Variants in ABCC11 observed in about 807,000 individuals in gnomAD.
ABCC11 encodes the protein ATP binding cassette subfamily C member 11.
In ABCC11, 135 loss-of-function variants were observed where a neutral mutation model predicts 149.3. That is an observed-to-expected ratio of 0.90 (90% CI 0.79 to 1.04). The LOEUF (loss-of-function observed/expected upper bound fraction) is 1.04. Among genes scored for constraint, ABCC11 ranks in the 50% least tolerant of loss-of-function variants. ABCC11 has a pLI of 0.00. For synonymous variants in ABCC11, 665 were observed against 671.4 expected (o/e 0.99, Z 0.15); for missense variants, 1,680 against 1,722.1 (o/e 0.98, Z 0.43).
chr16:48,239,876 G>A (rs552982741), intron 1 of ABCC11, among the ~76,000 whole-genome samples: 6 of 152,216 alleles, frequency 3.9e-5, no homozygotes, highest in Admixed American at 1.3e-4. Flanking sequence ...GACATGAACA[G>A]ACACTTCTCA....
At chr16:48,184,950 C>T (rs569093576) in intron 22 of ABCC11, among the ~76,000 whole-genome samples, 11 of 152,272 alleles carry the variant, frequency 7.2e-5, no homozygotes, top group Middle Eastern at 3.4e-3. Context: ...AATGCCAGGA[C>T]GTGTGAGTGA....
At chr16:48,165,720 G>A (rs184613355), downstream of ABCC11, 23 of 152,334 alleles carry the variant, frequency 1.5e-4, no homozygotes, top group African/African-American at 5.1e-4. Context: ...TTCCCTGAGG[G>A]CAGGGACACC....
At chr16:48,214,507 G>C (rs189271829) in intron 9 of ABCC11, among the ~76,000 whole-genome samples, 2 of 152,222 alleles carry the variant, frequency 1.3e-5, no homozygotes, top group Non-Finnish European at 2.9e-5. Context: ...GCCAGGTTCC[G>C]ACCACGAAGG....
chr16:48,244,128 A>C (rs1282901985), intron 1 of ABCC11: 5 of 410,052 alleles, frequency 1.2e-5, no homozygotes, highest in Non-Finnish European at 2.1e-5. Flanking sequence ...CATCCTTCCA[A>C]ATATACTCTG....
At chr16:48,209,615 G>C (rs1467695275) in intron 11 of ABCC11, 1 of 155,152 alleles carries the variant, frequency 6.4e-6, no homozygotes, top group Non-Finnish European at 1.4e-5. Flanking sequence ...TTTCTAACAG[G>C]CTGTGGACCA....
At chr16:48,191,858 T>G (rs1966951902) in intron 20 of ABCC11, among the ~76,000 whole-genome samples, 1 of 152,056 alleles carries the variant, frequency 6.6e-6, no homozygotes, top group Non-Finnish European at 1.5e-5. Flanking sequence ...AGGGATAGCA[T>G]TAGGAGATAT....
At chr16:48,169,072 A>T (rs1186474514) in intron 28 of ABCC11, among the ~76,000 whole-genome samples, 3 of 152,184 alleles carry the variant, frequency 2.0e-5, no homozygotes, top group Non-Finnish European at 4.4e-5. Flanking sequence ...AAATATATAT[A>T]TATGCAATTT....
intron 1 of ABCC11, chr16:48,244,380 G>T (rs150981618): frequency 0.012 from 18,881 of 1,531,284 alleles, 138 homozygotes; most frequent in Middle Eastern, 0.017. Context: ...AGTGCGAAAG[G>T]CTGCCAGCAT....
intron 6 of ABCC11, among the ~76,000 whole-genome samples, chr16:48,221,206 T>C (rs963882094): frequency 5.9e-5 from 9 of 152,208 alleles, no homozygotes; most frequent in East Asian, 1.9e-4. Flanking sequence ...AAGGGGCTAA[T>C]AACAGATCAC....
chr16:48,180,738 C>T (rs148883140), intron 23 of ABCC11, among the ~76,000 whole-genome samples: 8 of 152,280 alleles, frequency 5.3e-5, no homozygotes, highest in African/African-American at 1.7e-4. Context: ...GTTTGGTAGA[C>T]AGGAGACAGA....
At chr16:48,188,048 G>T (rs1966841272) in intron 20 of ABCC11, among the ~76,000 whole-genome samples, 1 of 152,206 alleles carries the variant, frequency 6.6e-6, no homozygotes, top group African/African-American at 2.4e-5. Context: ...TGACTTGGAA[G>T]TTGCCACCCT....
chr16:48,165,650 G>C (rs931348146), downstream of ABCC11: 6 of 152,172 alleles, frequency 3.9e-5, no homozygotes, highest in African/African-American at 1.4e-4. Flanking sequence ...GCCCTGTTCT[G>C]GATCGGCCTG....
At chr16:48,169,977 G>GTTA (rs1965599769) in intron 28 of ABCC11, 128 bp downstream of exon 28, 2 of 645,596 alleles carry the variant, frequency 3.1e-6, no homozygotes, top group African/African-American at 3.7e-5. Flanking sequence ...TGTTGTTGTT[G>GTTA]TTGTTGTTAA....
chr16:48,182,553 G>A (rs148350293), intron 23 of ABCC11, among the ~76,000 whole-genome samples: 2,684 of 152,206 alleles, frequency 0.018, 98 homozygotes, highest in African/African-American at 0.062. Flanking sequence ...GCCAAAGTGG[G>A]TGGATCACGA....
At chr16:48,212,343 C>T (rs1031433887) in intron 10 of ABCC11, among the ~76,000 whole-genome samples, 1 of 152,176 alleles carries the variant, frequency 6.6e-6, no homozygotes, top group Admixed American at 6.5e-5. Context: ...TGTCCAATCC[C>T]TTGGCTTCCC....
intron 5 of ABCC11, 102 bp from the exon 6 acceptor site, chr16:48,222,933 G>A: frequency 1.0e-6 from 1 of 993,018 alleles, no homozygotes; most frequent in South Asian, 1.6e-5. Flanking sequence ...CATGCTGGGG[G>A]TTTGTTGAAG....
Position 48,227,709 on chromosome 16 carries a change from C to T in ABCC11, c.395+97G>A. ...CTACAGGAAGAGCCAAGTCGTCTGG[C>T]ATGGCCCCTCCCTACCACCCTTAGG... On this transcript the variant is annotated intron_variant, in intron 4 of 29. Transcript: ENST00000356608. 2.0e-6 allele frequency: 3 copies of T among 1,537,122 alleles called. No homozygotes were observed. In the Admixed American group the frequency reaches 5.0e-5, roughly 26 times the overall value.
Position 48,190,363 on chromosome 16 carries a change from G to T in ABCC11, c.2706+2157C>A, listed in dbSNP as rs535653814. Among the ~76,000 whole-genome samples, 18 of 145,724 alleles carry T rather than the reference G, an allele frequency of 1.2e-4. No homozygotes were observed. The South Asian group carries it at 1.5e-3, about 12-fold the overall frequency. ...GCAGTGTGATACCATAAGCAATTTG[G>T]TTTTTTTTTTTTTAAATGAGATAGG... On this transcript the variant is annotated intron_variant, in intron 20 of 29. Coordinates refer to ENST00000356608, the MANE Select transcript of ABCC11 (RefSeq NM_001370497.1).
At chr16:48,239,052 A>G (rs147986226) in intron 1 of ABCC11, among the ~76,000 whole-genome samples, 1 of 152,064 alleles carries the variant, frequency 6.6e-6, no homozygotes, top group East Asian at 1.9e-4. Context: ...TCTTTCTTAT[A>G]GTAGAATTCT....
Sources: gnomAD v4.1 joint callset for allele counts (sites outside exome capture counted in the v4.1 genomes callset) on GRCh38, gnomAD v4.1.1 for gene constraint, MANE v1.5 for transcripts, NCBI Gene and HGNC (gene_info 2026-07-23, HGNC 2026-07-21) for gene names.